The following IL1RAP variants were observed in gnomAD, a reference collection of about 807,000 sequenced individuals.
IL1RAP encodes interleukin 1 receptor accessory protein, also known as interleukin-1 receptor accessory protein.
A neutral mutation model predicts 60.7 loss-of-function variants in IL1RAP; 35 were observed. The ratio of observed to expected loss-of-function variants is 0.58; its 90% confidence interval spans 0.44 to 0.76. The LOEUF (loss-of-function observed/expected upper bound fraction) is 0.76. IL1RAP is among the 30% of genes least tolerant of loss of function. The pLI is 0.00. For synonymous variants in IL1RAP, 268 were observed against 250.9 expected, an observed-to-expected ratio of 1.07 and a Z score of -0.64; for missense variants, 572 against 693.9, an observed-to-expected ratio of 0.82 and a Z score of 1.97.
intron 9 of IL1RAP, among the ~76,000 whole-genome samples, chr3:190,634,717 T>TG (rs1234971542): frequency 7.2e-6 from 1 of 139,812 alleles, no homozygotes; most frequent in African/African-American, 3.0e-5. Flanking sequence ...GTTTTTTTTT[T>TG]TGTTGTTGTT....
At chr3:190,602,906 C>T (rs1236239464) in intron 3 of IL1RAP, among the ~76,000 whole-genome samples, 1 of 152,168 alleles carries the variant, frequency 6.6e-6, no homozygotes, top group Non-Finnish European at 1.5e-5. Context: ...CGCAGGACTC[C>T]ATCACCCTGA....
At chr3:190,533,954 T>C (rs1723207891) in intron 1 of IL1RAP, among the ~76,000 whole-genome samples, 1 of 144,692 alleles carries the variant, frequency 6.9e-6, no homozygotes, top group Admixed American at 6.7e-5. Flanking sequence ...AAAAACTCCT[T>C]TTTTTTTTTC....
At chr3:190,621,570 G>A (rs189780568) in intron 6 of IL1RAP, among the ~76,000 whole-genome samples, 2 of 152,278 alleles carry the variant, frequency 1.3e-5, no homozygotes, top group South Asian at 2.1e-4. Context: ...CTGATTAACA[G>A]ATTTAAAAAT....
intron 3 of IL1RAP, among the ~76,000 whole-genome samples, chr3:190,577,697 A>AT (rs1727618757): frequency 6.6e-6 from 1 of 151,894 alleles, no homozygotes. Flanking sequence ...GGCTCAGCTA[A>AT]TTTTTTAATT....
chr3:190,649,525 A>G lies in IL1RAP; in HGVS notation c.*820A>G, dbSNP rs990316076. ...GAAAGAAATCTCCTAATGGTGCTAT[A>G]GAGAGGGAGGTAACAGAAAGACTCT... On this transcript the variant is annotated 3_prime_UTR_variant, in exon 12 of 12. Coordinates refer to ENST00000447382, the MANE Select transcript of IL1RAP (RefSeq NM_002182.4). 4.1e-6 allele frequency: 4 copies of G among 985,742 alleles called. No homozygotes were observed. Among genetic ancestry groups the G allele is most frequent in the Non-Finnish European group, 4.8e-6 (4 of 829,938 alleles). 61.1% of individuals were successfully genotyped at this position (985,742 alleles called of 1,614,324 possible). A position where few individuals can be genotyped will look rare whatever the true frequency, so the allele number is the denominator to read the frequency against.
chr3:190,625,205 CCTT>C (rs1310896267), intron 7 of IL1RAP: 2 of 152,138 alleles, frequency 1.3e-5, no homozygotes, highest in African/African-American at 2.4e-5. Context: ...TTTTGTGCAT[CCTT>C]CTTATTATTT....
intron 9 of IL1RAP, among the ~76,000 whole-genome samples, chr3:190,630,484 G>A (rs962839714): frequency 2.0e-5 from 3 of 152,166 alleles, no homozygotes; most frequent in African/African-American, 7.2e-5. Flanking sequence ...GAATAACATA[G>A]CACATAATTG....
intron 3 of IL1RAP, among the ~76,000 whole-genome samples, chr3:190,583,569 T>G (rs1025985337): frequency 3.3e-5 from 5 of 152,208 alleles, no homozygotes; most frequent in Non-Finnish European, 7.3e-5. Flanking sequence ...GAGCTCACAA[T>G]CTAGCAGCAA....
intron 1 of IL1RAP, among the ~76,000 whole-genome samples, chr3:190,532,285 T>C (rs1474962354): frequency 2.7e-5 from 4 of 146,644 alleles, no homozygotes; most frequent in Admixed American, 6.8e-5. Context: ...TTTTTTGAGA[T>C]GGAGCCTTGC....
intron 2 of IL1RAP, among the ~76,000 whole-genome samples, chr3:190,560,512 C>T (rs1324773643): frequency 6.6e-6 from 1 of 152,138 alleles, no homozygotes; most frequent in Non-Finnish European, 1.5e-5. Flanking sequence ...CTGACGAGCA[C>T]CAGGCTGAAG....
chr3:190,515,600 G>A (rs749206066), intron 1 of IL1RAP, among the ~76,000 whole-genome samples: 2 of 151,836 alleles, frequency 1.3e-5, no homozygotes, highest in African/African-American at 2.4e-5. Context: ...GATGTTTCTC[G>A]GTGATATGAA....
At chr3:190,597,770 G>A (rs188219415) in intron 3 of IL1RAP, among the ~76,000 whole-genome samples, 1 of 152,136 alleles carries the variant, frequency 6.6e-6, no homozygotes, top group Non-Finnish European at 1.5e-5. Flanking sequence ...ATTGGTCTGA[G>A]TATATGCTTG....
chr3:190,594,895 C>T (rs1729250509), intron 3 of IL1RAP, among the ~76,000 whole-genome samples: 1 of 152,200 alleles, frequency 6.6e-6, no homozygotes, highest in Non-Finnish European at 1.5e-5. Flanking sequence ...CTATTTTACA[C>T]TATTATGAGC....
At chr3:190,542,587 T>A (rs189411342) in intron 1 of IL1RAP, among the ~76,000 whole-genome samples, 6 of 152,256 alleles carry the variant, frequency 3.9e-5, no homozygotes, top group Admixed American at 2.0e-4. Flanking sequence ...GGTTAATTTT[T>A]CTAGGGTTCT....
intron 3 of IL1RAP, among the ~76,000 whole-genome samples, chr3:190,578,032 C>T (rs1165304613): frequency 1.3e-5 from 2 of 152,180 alleles, no homozygotes; most frequent in East Asian, 3.8e-4. Flanking sequence ...AACATGGGAA[C>T]AATAGACTCT....
At chr3:190,558,132 G>T (rs58547964) in intron 2 of IL1RAP, among the ~76,000 whole-genome samples, 13,667 of 152,164 alleles carry the variant, frequency 0.09, 664 homozygotes, top group East Asian at 0.13. Context: ...GCTTAGTATT[G>T]CTGAGTATTA....
rs7652494 is a variant in IL1RAP at position 190,618,850 on chromosome 3, T to G, written c.538-1425T>G. The stretch of plus-strand genomic sequence containing the variant: ...ACCCAAGCTTATAGTAGCTTCCTCT[T>G]GATGATCTTTTCCATGAAATGGAAG... On this transcript the variant is annotated intron_variant, in intron 5 of 11. Coordinates refer to ENST00000447382, the MANE Select transcript of IL1RAP (RefSeq NM_002182.4). Among the ~76,000 whole-genome samples the G allele has an allele frequency of 8.5e-3, 1,299 of 152,328 alleles. 18 individuals are homozygous for G. The highest frequency in any genetic ancestry group is 0.03 in the African/African-American group (1,257 of 41,576).
In IL1RAP at chr3:190,623,424, A is replaced by G. The variant is rs751092406; in HGVS notation, c.775+9A>G. 3.1e-6 allele frequency: 5 copies of G among 1,587,324 alleles called. No individual in the cohort carries two copies. Among genetic ancestry groups the G allele is most frequent in the Middle Eastern group, 3.3e-4 (2 of 6,042 alleles). ...CTATGAGAAAGAACCAGGTAATTAC[A>G]GCTATGTCTCTGAATTTCACTTAGA... is the stretch of plus-strand genomic sequence containing the variant. On this transcript the variant is annotated intron_variant, in intron 7 of 11. Coordinates refer to ENST00000447382, the MANE Select transcript of IL1RAP (RefSeq NM_002182.4).
intron 3 of IL1RAP, among the ~76,000 whole-genome samples, chr3:190,573,547 T>A (rs534443970): frequency 2.6e-5 from 4 of 152,332 alleles, no homozygotes; most frequent in African/African-American, 9.6e-5. Flanking sequence ...AGTGAAATGC[T>A]AAGGGGAATT....
Sources: allele counts gnomAD v4.1 joint callset (sites outside exome capture counted in the v4.1 genomes callset), GRCh38; gene constraint gnomAD v4.1.1; transcripts MANE v1.5; gene names NCBI Gene and HGNC (gene_info 2026-07-23, HGNC 2026-07-21).